The following AKT3 variants were observed in gnomAD, a reference collection of about 807,000 sequenced individuals.
AKT3 encodes RAC-gamma serine/threonine-protein kinase.
A neutral mutation model predicts 65.3 loss-of-function variants in AKT3; 15 were observed. The observed-to-expected ratio is 0.23, with a 90% CI of 0.15 to 0.35. The LOEUF (loss-of-function observed/expected upper bound fraction) is 0.35, where lower values mean the gene tolerates loss of function less well. Ranked by LOEUF, AKT3 falls within the 10% of genes least tolerant of loss-of-function variation. AKT3 has a pLI of 1.00. For synonymous variants in AKT3, 206 were observed against 183.8 expected, an observed-to-expected ratio of 1.12 and a Z score of -0.98; for missense variants, 243 against 576.5, an observed-to-expected ratio of 0.42 and a Z score of 5.92.
chr1:243,617,015 A>G (rs553654837), intron 6 of AKT3, among the ~76,000 whole-genome samples: 26 of 152,306 alleles, frequency 1.7e-4, no homozygotes, highest in African/African-American at 5.5e-4. Flanking sequence ...ACTGATTTCC[A>G]TATACACTGT....
At chr1:243,604,868 C>T (rs1203718393) in intron 8 of AKT3, among the ~76,000 whole-genome samples, 1 of 152,170 alleles carries the variant, frequency 6.6e-6, no homozygotes, top group Admixed American at 6.5e-5. Flanking sequence ...TGATAATGTA[C>T]TAGATTATAA....
intron 4 of AKT3, among the ~76,000 whole-genome samples, chr1:243,651,094 T>C (rs1330157082): frequency 1.3e-5 from 2 of 152,228 alleles, no homozygotes; most frequent in East Asian, 1.9e-4. Flanking sequence ...TGGTTTGTAG[T>C]TCTCCTTGAA....
At chr1:243,773,629 C>CA (rs1690346323) in intron 2 of AKT3, among the ~76,000 whole-genome samples, 1 of 151,690 alleles carries the variant, frequency 6.6e-6, no homozygotes, top group African/African-American at 2.4e-5. Context: ...CATCGCCCCC[C>CA]ACAAAAAAAA....
intron 2 of AKT3, among the ~76,000 whole-genome samples, chr1:243,832,338 C>T (rs12021907): frequency 0.13 from 20,287 of 151,826 alleles, 1,652 homozygotes; most frequent in East Asian, 0.33. Context: ...ACTCCTACTT[C>T]TCACAAACTT....
rs1422439046 is a variant in AKT3 at position 243,781,463 on chromosome 1, T to G, written c.46+61662A>C. On this transcript the variant is annotated intron_variant, in intron 2 of 13. Coordinates refer to ENST00000673466, the MANE Select transcript of AKT3 (RefSeq NM_005465.7). Reference sequence around the variant, plus strand: ...CTCTGTCGAATGCCTCTTCACATTCTTTGTCCTTTCTTCTATTGGGTCATT... The same window carrying G: ...CTCTGTCGAATGCCTCTTCACATTCGTTGTCCTTTCTTCTATTGGGTCATT... 3.9e-5 allele frequency among the ~76,000 whole-genome samples: 6 copies of G among 152,334 alleles called. No homozygotes were observed. The South Asian group carries it at 6.2e-4, about 16-fold the overall frequency.
rs188226361 is a variant in AKT3, at chr1:243,778,849, T to A, written c.46+64276A>T. 2.7e-3 allele frequency among the ~76,000 whole-genome samples: 405 copies of A among 152,262 alleles called. 2 individuals carry two copies. The highest frequency in any genetic ancestry group is 9.1e-3 in the African/African-American group (380 of 41,560). ...AATATAAGCAAATACAACTATAACA[T>A]CTTATCTCCTCTCCTTTACATAAAT... On this transcript the variant is annotated intron_variant, in intron 2 of 13. Coordinates refer to ENST00000673466, the MANE Select transcript of AKT3 (RefSeq NM_005465.7).
At chr1:243,653,802 T>C (rs146137398) in intron 4 of AKT3, among the ~76,000 whole-genome samples, 1 of 152,324 alleles carries the variant, frequency 6.6e-6, no homozygotes, top group Non-Finnish European at 1.5e-5. Flanking sequence ...CATTATAAAG[T>C]ATCCTAGTAA....
rs1177460803 is a variant in AKT3, at chr1:243,500,063, T to C, written c.*5186A>G. The C allele has an allele frequency of 2.2e-6, 1 of 446,770 alleles. No individual in the cohort carries two copies. Among genetic ancestry groups the C allele is most frequent in the Non-Finnish European group, 4.0e-6 (1 of 252,332 alleles). The allele number at this position is 446,770 out of a possible 1,614,324, so 27.7% of individuals were successfully genotyped here. On this transcript the variant is annotated 3_prime_UTR_variant, in exon 14 of 14. Coordinates refer to ENST00000673466, the MANE Select transcript of AKT3 (RefSeq NM_005465.7). ...TCATTCGTATGCTAGGTTATACATA[T>C]GATTTTCAATAAATGAACTTTTTAA...
intron 11 of AKT3, 75 bp downstream of exon 11, chr1:243,552,654 T>C (rs545900647): frequency 7.5e-7 from 1 of 1,330,256 alleles, no homozygotes. Context: ...GAGTTAGTTA[T>C]ATTTGAATTA....
intron 5 of AKT3, among the ~76,000 whole-genome samples, chr1:243,639,629 G>A (rs1038043273): frequency 6.6e-6 from 1 of 152,166 alleles, no homozygotes; most frequent in African/African-American, 2.4e-5. Context: ...GACATATCGG[G>A]AAGTTACCCT....
intron 6 of AKT3, among the ~76,000 whole-genome samples, chr1:243,618,418 A>G (rs1165049990): frequency 2.6e-5 from 4 of 152,294 alleles, no homozygotes; most frequent in South Asian, 4.1e-4. Flanking sequence ...GCGCAAGCTA[A>G]AAAGTAAACA....
intron 8 of AKT3, among the ~76,000 whole-genome samples, chr1:243,592,552 C>T (rs769009038): frequency 2.0e-5 from 3 of 152,048 alleles, no homozygotes; most frequent in Non-Finnish European, 2.9e-5. Flanking sequence ...AGTACAGTGA[C>T]ATTTTTATAG....
intron 8 of AKT3, among the ~76,000 whole-genome samples, chr1:243,588,260 G>A (rs916664961): frequency 1.3e-5 from 2 of 152,186 alleles, no homozygotes; most frequent in East Asian, 3.9e-4. Flanking sequence ...AACTTTATGA[G>A]GACAAGCAGA....
chr1:243,504,353 T>C lies in AKT3; in HGVS notation c.*896A>G, dbSNP rs765267766. ...TAAGGCAAACACCTGTTTACCTTGG[T>C]GTAGAAATTTTGGTGAAAAGCAGTA... On this transcript the variant is annotated 3_prime_UTR_variant, in exon 14 of 14. Transcript: ENST00000673466. 7 of 201,236 alleles carry C rather than the reference T, an allele frequency of 3.5e-5. No individual in the cohort carries two copies. The highest frequency in any genetic ancestry group is 6.2e-5 in the Non-Finnish European group (6 of 97,474). The allele number at this position is 201,236 out of a possible 1,614,324, so 12.5% of individuals were successfully genotyped here.
At chr1:243,653,553 A>C (rs1681538224) in intron 4 of AKT3, among the ~76,000 whole-genome samples, 1 of 152,172 alleles carries the variant, frequency 6.6e-6, no homozygotes, top group African/African-American at 2.4e-5. Context: ...TACCATGCTT[A>C]CTTGAAAATA....
chr1:243,536,095 T>G (rs114443617), intron 12 of AKT3, among the ~76,000 whole-genome samples: 3,387 of 143,734 alleles, frequency 0.024, 131 homozygotes, highest in African/African-American at 0.097. Context: ...TCTTGCTGAT[T>G]TGAGTTCTTT....
At chr1:243,554,410 GGAA>G (rs1673276153) in intron 10 of AKT3, among the ~76,000 whole-genome samples, 1 of 151,964 alleles carries the variant, frequency 6.6e-6, no homozygotes, top group African/African-American at 2.4e-5. Context: ...AACATTTTCT[GGAA>G]GAACAACAAA....
intron 3 of AKT3, among the ~76,000 whole-genome samples, chr1:243,679,466 A>G (rs747846035): frequency 2.0e-5 from 3 of 152,226 alleles, no homozygotes; most frequent in Non-Finnish European, 4.4e-5. Flanking sequence ...TGCCATCTTC[A>G]TTGACATTAT....
At chr1:243,830,391 G>A (rs143890957) in intron 2 of AKT3, among the ~76,000 whole-genome samples, 12 of 152,258 alleles carry the variant, frequency 7.9e-5, no homozygotes, top group East Asian at 7.7e-4. Flanking sequence ...CAACTGTACC[G>A]TGTATGAGAG....
Sources: gnomAD v4.1 joint callset for allele counts (sites outside exome capture counted in the v4.1 genomes callset) on GRCh38, gnomAD v4.1.1 for gene constraint, MANE v1.5 for transcripts, NCBI Gene and HGNC (gene_info 2026-07-23, HGNC 2026-07-21) for gene names.